KIAA0930: variants seen among roughly 807,000 people sequenced by gnomAD.
KIAA0930 encodes the protein uncharacterized protein KIAA0930.
Under a neutral mutation model 43.9 loss-of-function variants are expected in KIAA0930, and 24 were observed. That is an observed-to-expected ratio of 0.55 (90% confidence interval 0.40 to 0.77). KIAA0930 has a LOEUF of 0.77. Ranked by LOEUF, KIAA0930 falls within the 30% of genes least tolerant of loss-of-function variation. KIAA0930 has a pLI of 0.00. For missense variants in KIAA0930, 461 were observed against 574.2 expected (o/e 0.80, Z 2.02); for synonymous variants, 259 against 216.4 (o/e 1.20, Z -1.73).
At chr22:45,234,776 G>A (rs2083876604) in intron 1 of KIAA0930, among the ~76,000 whole-genome samples, 1 of 152,222 alleles carries the variant, frequency 6.6e-6, no homozygotes, top group African/African-American at 2.4e-5. Flanking sequence ...CAACTCTCGA[G>A]CAGGCATTTA....
At position 45,196,622 on chromosome 22, in the gene KIAA0930, C is replaced by T. The variant is rs1262803504; in HGVS notation, c.*554G>A. On this transcript the variant is annotated 3_prime_UTR_variant, in exon 10 of 10. Coordinates refer to ENST00000336156, the MANE Select transcript of KIAA0930 (RefSeq NM_001009880.2). This position sits in a 1 kb window ranked among gnomAD's most constrained non-coding sequence, Gnocchi z 4.1. ...AGGTATTCCCAGCCCAGGGCAAAGC[C>T]ATCAAACTTCTCGTGTTCCCATCTC... 1 of 152,824 alleles carries T rather than the reference C, an allele frequency of 6.5e-6. No individual in the cohort carries two copies. The highest frequency in any genetic ancestry group is 1.5e-5 in the Non-Finnish European group (1 of 68,176). 9.5% of individuals were successfully genotyped at this position (152,824 alleles called of 1,614,324 possible).
intron 1 of KIAA0930, among the ~76,000 whole-genome samples, chr22:45,238,235 G>T (rs982548356): frequency 1.3e-5 from 2 of 152,090 alleles, no homozygotes; most frequent in Admixed American, 6.6e-5. Flanking sequence ...CAAAAATGAG[G>T]CCTTCTAAGA....
chr22:45,214,578 G>GT (rs1353623848), intron 1 of KIAA0930, among the ~76,000 whole-genome samples: 2 of 152,326 alleles, frequency 1.3e-5, no homozygotes, highest in African/African-American at 4.8e-5. Context: ...GATCTTGATT[G>GT]TGACGCTGGT....
At chr22:45,218,333 ATTTT>A (rs752298111) in intron 1 of KIAA0930, among the ~76,000 whole-genome samples, 6,461 of 51,364 alleles carry the variant, frequency 0.13, 188 homozygotes, top group East Asian at 0.19. Context: ...AATTTTTTTG[ATTTT>A]TTTTTTTTTT....
intron 1 of KIAA0930, chr22:45,226,431 GC>G (rs2083801227): frequency 2.4e-6 from 1 of 420,334 alleles, no homozygotes; most frequent in African/African-American, 2.1e-5. Flanking sequence ...GCCTTGCATG[GC>G]GGGGGAGGCT....
chr22:45,237,443 G>A (rs1186659319), intron 1 of KIAA0930, among the ~76,000 whole-genome samples: 1 of 152,200 alleles, frequency 6.6e-6, no homozygotes, highest in Admixed American at 6.5e-5. Context: ...AGCCAGATGT[G>A]AAATCTACAA....
intron 2 of KIAA0930, among the ~76,000 whole-genome samples, chr22:45,208,556 C>CACCGACTCCACACA (rs1569075768): frequency 9.2e-5 from 14 of 152,156 alleles, no homozygotes; most frequent in South Asian, 2.1e-4. Flanking sequence ...CAGGCAGAAC[C>CACCGACTCCACACA]CGCCCGGGAA....
intron 8 of KIAA0930, among the ~76,000 whole-genome samples, chr22:45,198,651 G>C (rs542986079): frequency 6.6e-6 from 1 of 151,462 alleles, no homozygotes; most frequent in Non-Finnish European, 1.5e-5. Context: ...CCTTCACGTC[G>C]TTTTTTTTTG....
chr22:45,215,432 G>A (rs915351481), intron 1 of KIAA0930, among the ~76,000 whole-genome samples: 1 of 152,118 alleles, frequency 6.6e-6, no homozygotes, highest in Non-Finnish European at 1.5e-5. Flanking sequence ...CTACCTGACG[G>A]CAGAGTACAA....
At chr22:45,204,515 T>C (rs371588555) in intron 5 of KIAA0930, among the ~76,000 whole-genome samples, 1 of 152,296 alleles carries the variant, frequency 6.6e-6, no homozygotes, top group East Asian at 1.9e-4. Context: ...CTCTGCCCTC[T>C]AGGAGCTACG....
At chr22:45,212,392 C>T (rs2083702994) in intron 1 of KIAA0930, 2 of 1,578,396 alleles carry the variant, frequency 1.3e-6, no homozygotes, top group Non-Finnish European at 1.7e-6. Flanking sequence ...GATGAATCAG[C>T]AGCTTCGGAG....
chr22:45,217,862 G>A lies in KIAA0930; in HGVS notation c.65-5755C>T, dbSNP rs569130467. The stretch of plus-strand genomic sequence containing the variant: ...TCCAGCTGTCTCCCCTGCCTCAAGC[G>A]AGTGACCTGCTTCTGTAAGTCACTC... On this transcript the variant is annotated intron_variant, in intron 1 of 9. Coordinates refer to ENST00000336156, the MANE Select transcript of KIAA0930 (RefSeq NM_001009880.2). Among the ~76,000 whole-genome samples, 221 of 152,300 alleles carry A rather than the reference G, an allele frequency of 1.5e-3. 6 individuals carry two copies. In the South Asian group the frequency reaches 0.045, roughly 31 times the overall value.
At chr22:45,205,435 C>G in intron 4 of KIAA0930, 117 bp from the exon 5 acceptor site, 2 of 966,428 alleles carry the variant, frequency 2.1e-6, no homozygotes, top group Non-Finnish European at 3.2e-6. Context: ...AGCCAGAGAC[C>G]TACCAGGAGA....
At chr22:45,210,019 CT>C (rs1275597773) in intron 2 of KIAA0930, among the ~76,000 whole-genome samples, 1 of 152,212 alleles carries the variant, frequency 6.6e-6, no homozygotes, top group African/African-American at 2.4e-5. Context: ...TCTCCTCCCC[CT>C]ACCCCGGCCT....
rs762324337 is a variant in KIAA0930, at chr22:45,211,979, C to T, written c.193G>A (p.Glu65Lys). The T allele has an allele frequency of 3.7e-6, 6 of 1,612,538 alleles. No homozygotes were observed. Among genetic ancestry groups the T allele is most frequent in the East Asian group, 4.5e-5 (2 of 44,876 alleles). ...VRRKLAYSGS[E>K]SGADGRKAAE... ...ACCTTCCTCCCGTCTGCACCGCTTTCGCTGCCGGAGTACGCCAGCTTCCGG... is the reference window on the plus strand; with the variant it reads ...ACCTTCCTCCCGTCTGCACCGCTTTTGCTGCCGGAGTACGCCAGCTTCCGG... The change falls in exon 2 of 10, where the codon GAA (glutamate) becomes AAA (lysine). Residue 65 changes from glutamate to lysine, a missense_variant. Transcript: ENST00000336156.
rs1164342396 is a variant in KIAA0930 at position 45,197,154 on chromosome 22, T to C, written c.*22A>G. ...TCCGAGGGCTGGGCCCGGCCGGGGCTCTGCGCAGGCTCCGCACGCGGCTAG... is the reference window on the plus strand; with the variant it reads ...TCCGAGGGCTGGGCCCGGCCGGGGCCCTGCGCAGGCTCCGCACGCGGCTAG... On this transcript the variant is annotated 3_prime_UTR_variant, in exon 10 of 10. Transcript: ENST00000336156. 1 of 1,540,096 alleles carries C rather than the reference T, an allele frequency of 6.5e-7. No individual in the cohort carries two copies. The highest frequency in any genetic ancestry group is 8.8e-7 in the Non-Finnish European group (1 of 1,140,838).
intron 1 of KIAA0930, among the ~76,000 whole-genome samples, chr22:45,217,024 G>A (rs903509753): frequency 6.6e-6 from 1 of 152,170 alleles, no homozygotes; most frequent in Admixed American, 6.5e-5. Context: ...TTCAGCAACT[G>A]ATCAATTCAT....
At chr22:45,204,639 G>A (rs1312672992) in intron 5 of KIAA0930, among the ~76,000 whole-genome samples, 3 of 151,950 alleles carry the variant, frequency 2.0e-5, no homozygotes, top group Admixed American at 1.3e-4. Context: ...CAAGGACCCC[G>A]ACCAGGGCCT....
At chr22:45,229,374 G>A (rs940920561) in intron 1 of KIAA0930, among the ~76,000 whole-genome samples, 3 of 63,174 alleles carry the variant, frequency 4.7e-5, no homozygotes, top group Non-Finnish European at 6.6e-5. Flanking sequence ...CACCAAACGC[G>A]CGCCTAGGCA....
Sources: allele counts gnomAD v4.1 joint callset (sites outside exome capture counted in the v4.1 genomes callset), GRCh38; gene constraint gnomAD v4.1.1; non-coding constraint Gnocchi (gnomAD v3.1); transcripts MANE v1.5; gene names NCBI Gene and HGNC (gene_info 2026-07-23, HGNC 2026-07-21).